GFRA3: variants seen among roughly 807,000 people sequenced by gnomAD.
GFRA3 encodes GDNF family receptor alpha-3.
A neutral mutation model predicts 40.0 loss-of-function variants in GFRA3; 24 were observed. The observed-to-expected ratio is 0.60, with a 90% CI of 0.43 to 0.84. The LOEUF (loss-of-function observed/expected upper bound fraction) is 0.84, where lower values mean the gene tolerates loss of function less well. GFRA3 is among the 40% of genes least tolerant of loss of function. GFRA3 has a pLI of 0.00. For synonymous variants in GFRA3, 203 were observed against 213.5 expected (o/e 0.95, Z 0.43); for missense variants, 405 against 530.6 (o/e 0.76, Z 2.33).
chr5:138,265,067 C>G (rs1382764170), intron 1 of GFRA3, among the ~76,000 whole-genome samples: 1 of 152,016 alleles, frequency 6.6e-6, no homozygotes, highest in Non-Finnish European at 1.5e-5. Flanking sequence ...GTAACCTGAC[C>G]CTGTCTCTTA....
At chr5:138,274,223 G>A in intron 1 of GFRA3, 111 bp downstream of exon 1, 3 of 1,273,096 alleles carry the variant, frequency 2.4e-6, no homozygotes, top group Non-Finnish European at 3.0e-6. Flanking sequence ...TGTTCGGCTC[G>A]GATGCACCGG....
At chr5:138,262,534 C>T (rs1755726693) in intron 2 of GFRA3, among the ~76,000 whole-genome samples, 1 of 152,104 alleles carries the variant, frequency 6.6e-6, no homozygotes. Context: ...CTCACTGCAG[C>T]CTCAACCTCC....
Position 138,274,421 on chromosome 5 carries a change from C to T in GFRA3, c.4G>A (p.Val2Met), listed in dbSNP as rs1407498564. ...AGCGGTCGCGGGTTCAGGGGGCGCACCATGGCGAGCTGTAGGCGCCGGGCT... is the reference window on the plus strand; with the variant it reads ...AGCGGTCGCGGGTTCAGGGGGCGCATCATGGCGAGCTGTAGGCGCCGGGCT... M[V>M]RPLNPRPLPP... The change falls in exon 1 of 8, where the codon GTG (valine) becomes ATG (methionine). Residue 2 changes from valine (V) to methionine (M), a missense_variant. Val to Met is a conservative substitution (Grantham distance 21, BLOSUM62 1). Transcript: ENST00000274721. The T allele has an allele frequency of 3.1e-6, 4 of 1,306,114 alleles. No individual in the cohort carries two copies. The highest frequency in any genetic ancestry group is 6.2e-5 in the East Asian group (2 of 32,192). The allele number at this position is 1,306,114 out of a possible 1,614,324, so 80.9% of individuals were successfully genotyped here. A position where few individuals can be genotyped will look rare whatever the true frequency, so the allele number is the denominator to read the frequency against.
chr5:138,259,764 C>T lies in GFRA3; in HGVS notation c.380-115G>A, dbSNP rs890814925. ...CTGTGGAGAAAAGGAAAAGCACAGC[C>T]TCTACCTAACCAGCTGCAAGCTGTG... On this transcript the variant is annotated intron_variant, in intron 2 of 7. Coordinates refer to ENST00000274721, the MANE Select transcript of GFRA3 (RefSeq NM_001496.4). 9.6e-6 allele frequency: 7 copies of T among 729,512 alleles called. No individual in the cohort carries two copies. In the African/African-American group the frequency reaches 1.2e-4, roughly 13 times the overall value. The allele number at this position is 729,512 out of a possible 1,614,324, so 45.2% of individuals were successfully genotyped here.
At position 138,256,558 on chromosome 5, in the gene GFRA3, A is replaced by C. The variant is rs559820507; in HGVS notation, c.785+1081T>G. On this transcript the variant is annotated intron_variant, in intron 4 of 7. Transcript: ENST00000274721. ...AAACAAACAAAAAAAAACAAACAAA[A>C]AAAAAAACAAAACAAAAACCTAAAT... is the stretch of plus-strand genomic sequence containing the variant. 3.8e-3 allele frequency among the ~76,000 whole-genome samples: 571 copies of C among 148,640 alleles called. 1 individual carries two copies. Among genetic ancestry groups the C allele is most frequent in the African/African-American group, 7.5e-3 (294 of 39,424 alleles).
In GFRA3 at chr5:138,262,317, A is replaced by G. The variant is rs1055262314; in HGVS notation, c.379+1944T>C. 3.3e-5 allele frequency among the ~76,000 whole-genome samples: 5 copies of G among 152,194 alleles called. No homozygotes were observed. The South Asian group carries it at 6.2e-4, about 19-fold the overall frequency. On this transcript the variant is annotated intron_variant, in intron 2 of 7. Transcript: ENST00000274721. ...GCTCTGGAAAACAATGGATAGGGCA[A>G]CTACTCCCGTGGAGTAAAAACAGGG...
chr5:138,268,656 C>T (rs1419011254), intron 1 of GFRA3, among the ~76,000 whole-genome samples: 12 of 151,880 alleles, frequency 7.9e-5, no homozygotes, highest in Non-Finnish European at 1.8e-4. Flanking sequence ...TTTGGGAGGC[C>T]GAGGTGGGCA....
chr5:138,268,374 G>A (rs1755818652), intron 1 of GFRA3, among the ~76,000 whole-genome samples: 2 of 136,814 alleles, frequency 1.5e-5, no homozygotes, highest in South Asian at 2.3e-4. Context: ...CTTGACTTAC[G>A]CAAAGATTTC....
At position 138,253,907 on chromosome 5, in the gene GFRA3, A is replaced by G; in HGVS notation, c.890-7T>C. On this transcript the variant is annotated splice_region_variant and splice_polypyrimidine_tract_variant and intron_variant, in intron 5 of 7. Transcript: ENST00000274721. ...TTGGGGGTCATGGCAGTCCCTGTGAAGAGGGAAAGGGTAGTCAAGGCCTAG... is the reference window on the plus strand; with the variant it reads ...TTGGGGGTCATGGCAGTCCCTGTGAGGAGGGAAAGGGTAGTCAAGGCCTAG... 6.2e-7 allele frequency: 1 copy of G among 1,613,108 alleles called. No homozygotes were observed. The highest frequency in any genetic ancestry group is 8.5e-7 in the Non-Finnish European group (1 of 1,179,190).
At chr5:138,255,491 G>A (rs1755613309) in intron 4 of GFRA3, among the ~76,000 whole-genome samples, 1 of 152,210 alleles carries the variant, frequency 6.6e-6, no homozygotes, top group Admixed American at 6.5e-5. Flanking sequence ...TTCCTGAAGA[G>A]AATATTTATC....
Position 138,257,789 on chromosome 5 carries a change from G to A in GFRA3, c.635C>T (p.Ala212Val), listed in dbSNP as rs1213457902. Residue 212 changes from alanine to valine, a missense_variant, in exon 4 of 8, where the codon GCG (alanine) becomes GTG (valine). Ala to Val is a moderately conservative substitution (Grantham distance 64). Coordinates refer to ENST00000274721, the MANE Select transcript of GFRA3 (RefSeq NM_001496.4). The part of the protein sequence containing the change: ...TFFEKAAEPH[A>V]QGLLLCPCAP... ...ACATGGGCACAGTAGCAGGCCCTGC[G>A]CGTGGGGCTCGGCGGCCTTCTCGAA... 6.2e-7 allele frequency: 1 copy of A among 1,612,822 alleles called. No homozygotes were observed. Among genetic ancestry groups the A allele is most frequent in the Non-Finnish European group, 8.5e-7 (1 of 1,179,398 alleles).
intron 1 of GFRA3, among the ~76,000 whole-genome samples, chr5:138,269,193 A>C (rs1755830561): frequency 6.6e-6 from 1 of 152,112 alleles, no homozygotes; most frequent in South Asian, 2.1e-4. Flanking sequence ...TGCTGGTGGG[A>C]ATGTAAACTA....
intron 2 of GFRA3, among the ~76,000 whole-genome samples, chr5:138,261,472 G>C (rs1215289542): frequency 1.3e-5 from 2 of 152,092 alleles, no homozygotes; most frequent in Non-Finnish European, 2.9e-5. Flanking sequence ...GAGGCAGGCA[G>C]ATCACGAGGT....
At chr5:138,257,995 C>T in intron 3 of GFRA3, 44 bp from the exon 4 acceptor site, 2 of 1,510,082 alleles carry the variant, frequency 1.3e-6, no homozygotes, top group Non-Finnish European at 1.8e-6. Context: ...GCCCTCTGCA[C>T]GCCTGCACCC....
chr5:138,261,693 C>CAAAAAAAAAAAAAA (rs70979598), intron 2 of GFRA3, among the ~76,000 whole-genome samples: 3 of 46,348 alleles, frequency 6.5e-5, no homozygotes, highest in East Asian at 7.6e-4. Context: ...GACTCTGTCT[C>CAAAAAAAAAAAAAA]AAAAAAAAAA....
At chr5:138,270,205 CA>C (rs34014240) in intron 1 of GFRA3, among the ~76,000 whole-genome samples, 1,900 of 72,450 alleles carry the variant, frequency 0.026, 26 homozygotes, top group East Asian at 0.032. Context: ...ACTAAAAATA[CA>C]AAAAAAAAAA....
At chr5:138,265,812 C>T (rs1459877279) in intron 1 of GFRA3, among the ~76,000 whole-genome samples, 1 of 152,198 alleles carries the variant, frequency 6.6e-6, no homozygotes, top group African/African-American at 2.4e-5. Context: ...CTACCTACCT[C>T]AGCCTCCTGA....
intron 4 of GFRA3, among the ~76,000 whole-genome samples, chr5:138,256,230 TAA>T (rs35302809): frequency 9.4e-6 from 1 of 106,506 alleles, no homozygotes. Flanking sequence ...GACTCCGTCT[TAA>T]AAAAAAAAAA....
At position 138,253,344 on chromosome 5, in the gene GFRA3, G is replaced by A. The variant is rs1288358056; in HGVS notation, c.1056C>T (p.His352=). 2 of 1,604,050 alleles carry A rather than the reference G, an allele frequency of 1.2e-6. No homozygotes were observed. Among genetic ancestry groups the A allele is most frequent in the Non-Finnish European group, 1.7e-6 (2 of 1,174,920 alleles). The part of the protein sequence containing the change: ...TEAIAAKMRF[H]SQLFSQDWPH... The stretch of plus-strand genomic sequence containing the variant: ...GCCAGTCCTGGGAGAAGAGTTGGCT[G>A]TGAAAACGCATCTTAGCTGCAATGG... Residue 352 remains histidine (H), a synonymous_variant, in exon 7 of 8, where the codon CAC becomes CAT. Coordinates refer to ENST00000274721, the MANE Select transcript of GFRA3 (RefSeq NM_001496.4).
Sources: allele counts gnomAD v4.1 joint callset (sites outside exome capture counted in the v4.1 genomes callset), GRCh38; gene constraint gnomAD v4.1.1; transcripts MANE v1.5; gene names NCBI Gene and HGNC (gene_info 2026-07-23, HGNC 2026-07-21).